The following FKTN variants were observed in gnomAD, a reference collection of about 807,000 sequenced individuals.
FKTN encodes the protein ribitol-5-phosphate transferase FKTN.
A neutral mutation model predicts 58.6 loss-of-function variants in FKTN; 47 were observed. The ratio of observed to expected loss-of-function variants is 0.80; its 90% CI spans 0.63 to 1.02. FKTN has a LOEUF of 1.02. FKTN is among the 50% of genes least tolerant of loss of function. The pLI, the probability that FKTN is intolerant of heterozygous loss-of-function variation, is 0.00. For missense variants in FKTN, 516 were observed against 537.3 expected (o/e 0.96, Z 0.39); for synonymous variants, 178 against 191.9 (o/e 0.93, Z 0.60).
rs148975262 is a variant in FKTN, at chr9:105,620,048, G to A, written c.1159G>A (p.Gly387Arg). 7.3e-4 allele frequency: 1,170 copies of A among 1,611,124 alleles called. No individual in the cohort carries two copies. Among genetic ancestry groups the A allele is most frequent in the Non-Finnish European group, 9.3e-4 (1,098 of 1,178,272 alleles). Reference protein sequence around the residue: ...MWNGGTQAKTGKKFKYLFPKF... With the variant: ...MWNGGTQAKTRKKFKYLFPKF... The stretch of plus-strand genomic sequence containing the variant: ...GAATGGAGGCACTCAGGCCAAAACA[G>A]GAAAAAAATTCAAGTATGAATCAAA... Residue 387 changes from glycine (G) to arginine (R), a missense_variant, in exon 10 of 11, where the codon GGA becomes AGA. Physicochemically the swap from Gly to Arg is moderately radical, Grantham distance 125. Coordinates refer to ENST00000357998, the MANE Select transcript of FKTN (RefSeq NM_001079802.2).
At chr9:105,622,805 T>A (rs1051112221) in intron 10 of FKTN, among the ~76,000 whole-genome samples, 1 of 152,074 alleles carries the variant, frequency 6.6e-6, no homozygotes, top group African/African-American at 2.4e-5. Flanking sequence ...TACTGTATTA[T>A]TATTATTACT....
At chr9:105,585,262 TA>T (rs1355783883) in intron 3 of FKTN, among the ~76,000 whole-genome samples, 1 of 152,044 alleles carries the variant, frequency 6.6e-6, no homozygotes, top group African/African-American at 2.4e-5. Context: ...TCATCTCTGC[TA>T]AAAATAAGAA....
chr9:105,639,937 T>G lies in FKTN; in HGVS notation c.*4673T>G. On this transcript the variant is annotated 3_prime_UTR_variant, in exon 11 of 11. Transcript: ENST00000357998. ...ATGTAAATCTTTACCTCCTTGTTAGTGAAATTAGATATAAGCCATGATTTG... is the reference window on the plus strand; with the variant it reads ...ATGTAAATCTTTACCTCCTTGTTAGGGAAATTAGATATAAGCCATGATTTG... 1 of 1,463,990 alleles carries G rather than the reference T, an allele frequency of 6.8e-7. No homozygotes were observed. The highest frequency in any genetic ancestry group is 9.0e-7 in the Non-Finnish European group (1 of 1,113,580). The allele number at this position is 1,463,990 out of a possible 1,614,324, so 90.7% of individuals were successfully genotyped here. A position where few individuals can be genotyped will look rare whatever the true frequency, so the allele number is the denominator to read the frequency against.
intron 1 of FKTN, among the ~76,000 whole-genome samples, chr9:105,558,905 G>C (rs778276568): frequency 6.6e-6 from 1 of 152,176 alleles, no homozygotes; most frequent in Non-Finnish European, 1.5e-5. Flanking sequence ...ATATTTTAGC[G>C]ATTCTATTTG....
chr9:105,583,281 T>G, intron 3 of FKTN, among the ~76,000 whole-genome samples: 1 of 152,190 alleles, frequency 6.6e-6, no homozygotes. Context: ...TTGTTCTTCC[T>G]GTTTTTCCAG....
chr9:105,594,814 A>C (rs909212225), intron 3 of FKTN, among the ~76,000 whole-genome samples: 1 of 152,234 alleles, frequency 6.6e-6, no homozygotes, highest in Non-Finnish European at 1.5e-5. Flanking sequence ...CAGGTGCAGA[A>C]TAAGTAGAAA....
intron 3 of FKTN, among the ~76,000 whole-genome samples, chr9:105,594,677 T>C (rs563437441): frequency 6.6e-6 from 1 of 152,066 alleles, no homozygotes; most frequent in Non-Finnish European, 1.5e-5. Flanking sequence ...GTCTGGGAGG[T>C]TGAGGCTGCA....
Position 105,638,101 on chromosome 9 carries a change from C to T in FKTN, c.*2837C>T. 1.0e-6 allele frequency: 1 copy of T among 972,774 alleles called. No individual in the cohort carries two copies. The highest frequency in any genetic ancestry group is 1.2e-6 in the Non-Finnish European group (1 of 818,440). 60.3% of individuals were successfully genotyped at this position (972,774 alleles called of 1,614,324 possible). ...CTTTTTAAACCCTCTTATTTTATAA[C>T]TAAATAAATAATCACAGAAAAGAAT... On this transcript the variant is annotated 3_prime_UTR_variant, in exon 11 of 11. Coordinates refer to ENST00000357998, the MANE Select transcript of FKTN (RefSeq NM_001079802.2).
At chr9:105,587,122 A>G (rs1339209668) in intron 3 of FKTN, among the ~76,000 whole-genome samples, 1 of 152,214 alleles carries the variant, frequency 6.6e-6, no homozygotes, top group African/African-American at 2.4e-5. Flanking sequence ...CCAATGAACT[A>G]TGTTTGTATT....
rs182482161 is a variant in FKTN, at chr9:105,640,019, C to T, written c.*4755C>T. The stretch of plus-strand genomic sequence containing the variant: ...ATTTAATTATCTATGCTGATGAATG[C>T]CTGTATCATTGTTAATAAAGGAGAA... On this transcript the variant is annotated 3_prime_UTR_variant, in exon 11 of 11. Transcript: ENST00000357998. The T allele has an allele frequency of 1.3e-6, 2 of 1,526,278 alleles. No homozygotes were observed. The highest frequency in any genetic ancestry group is 1.4e-5 in the African/African-American group (1 of 72,950). 94.5% of individuals were successfully genotyped at this position (1,526,278 alleles called of 1,614,324 possible).
chr9:105,607,002 T>C (rs1829020275), intron 6 of FKTN, among the ~76,000 whole-genome samples: 1 of 151,980 alleles, frequency 6.6e-6, no homozygotes, highest in African/African-American at 2.4e-5. Flanking sequence ...GTATTTCAAA[T>C]GACCTTCTTT....
In FKTN at chr9:105,639,641, AG is replaced by A. The variant is rs1834288921; in HGVS notation, c.*4378del. ...AAGATTGCATGACTGAATTTGCTTA[AG>A]AAAAAAAAAATTGTATCAAGTCATT... On this transcript the variant is annotated 3_prime_UTR_variant, in exon 11 of 11. Transcript: ENST00000357998. 1 of 946,270 alleles carries A rather than the reference AG, an allele frequency of 1.1e-6. No individual in the cohort carries two copies. The highest frequency in any genetic ancestry group is 1.3e-6 in the Non-Finnish European group (1 of 796,042). 58.6% of individuals were successfully genotyped at this position (946,270 alleles called of 1,614,324 possible). A position where few individuals can be genotyped will look rare whatever the true frequency, so the allele number is the denominator to read the frequency against.
At position 105,618,110 on chromosome 9, in the gene FKTN, G is replaced by C; in HGVS notation, c.1044+18G>C. The C allele has an allele frequency of 6.2e-7, 1 of 1,606,656 alleles. No individual in the cohort carries two copies. Among genetic ancestry groups the C allele is most frequent in the African/African-American group, 1.3e-5 (1 of 74,864 alleles). On this transcript the variant is annotated intron_variant, in intron 9 of 10. Coordinates refer to ENST00000357998, the MANE Select transcript of FKTN (RefSeq NM_001079802.2). Reference sequence around the variant, plus strand: ...TTGGGAAGGTCAGTAACAAAAGTCGGCTTCATTTCATAAGTAACATATCTC... The same window carrying C: ...TTGGGAAGGTCAGTAACAAAAGTCGCCTTCATTTCATAAGTAACATATCTC...
At chr9:105,569,008 A>C (rs902050960) in intron 1 of FKTN, among the ~76,000 whole-genome samples, 1 of 152,208 alleles carries the variant, frequency 6.6e-6, no homozygotes, top group African/African-American at 2.4e-5. Flanking sequence ...ATGAAGCTGG[A>C]AACCATCATT....
At chr9:105,562,360 G>A (rs1311567720) in intron 1 of FKTN, among the ~76,000 whole-genome samples, 2 of 152,226 alleles carry the variant, frequency 1.3e-5, no homozygotes, top group Non-Finnish European at 2.9e-5. Flanking sequence ...GTGAAAAATG[G>A]TCCTTGTGTG....
At chr9:105,562,235 C>T (rs962377523) in intron 1 of FKTN, among the ~76,000 whole-genome samples, 2 of 152,194 alleles carry the variant, frequency 1.3e-5, no homozygotes, top group African/African-American at 4.8e-5. Flanking sequence ...AGTTATTACT[C>T]AAATCAGTCT....
Position 105,639,622 on chromosome 9 carries a change from G to A in FKTN, c.*4358G>A. On this transcript the variant is annotated 3_prime_UTR_variant, in exon 11 of 11. Transcript: ENST00000357998. ...AACATATTCCTTTACTCAAAAGATT[G>A]CATGACTGAATTTGCTTAAGAAAAA... is the stretch of plus-strand genomic sequence containing the variant. 9 of 968,628 alleles carry A rather than the reference G, an allele frequency of 9.3e-6. No homozygotes were observed. The highest frequency in any genetic ancestry group is 1.1e-5 in the Non-Finnish European group (9 of 815,280). The allele number at this position is 968,628 out of a possible 1,614,324, so 60.0% of individuals were successfully genotyped here.
At chr9:105,592,318 C>T (rs776273647) in intron 3 of FKTN, among the ~76,000 whole-genome samples, 5 of 152,274 alleles carry the variant, frequency 3.3e-5, no homozygotes, top group East Asian at 3.9e-4. Flanking sequence ...AGCAGCCAGG[C>T]CAGATCTTGA....
chr9:105,634,193 G>A (rs976171544), intron 10 of FKTN, among the ~76,000 whole-genome samples: 1 of 151,718 alleles, frequency 6.6e-6, no homozygotes. Context: ...GTGCAGTGGC[G>A]TGATCTTGGC....
Sources: allele counts gnomAD v4.1 joint callset (sites outside exome capture counted in the v4.1 genomes callset), GRCh38; gene constraint gnomAD v4.1.1; transcripts MANE v1.5; gene names NCBI Gene and HGNC (gene_info 2026-07-23, HGNC 2026-07-21).